ASTN2: variants seen among roughly 807,000 people sequenced by gnomAD.
ASTN2 encodes the protein astrotactin-2.
Under a neutral mutation model 139.8 loss-of-function variants are expected in ASTN2, and 54 were observed. The ratio of observed to expected loss-of-function variants is 0.39; its 90% confidence interval spans 0.31 to 0.48. The LOEUF (loss-of-function observed/expected upper bound fraction) is 0.48. Ranked by LOEUF, ASTN2 falls within the 20% of genes least tolerant of loss-of-function variation. The probability of loss-of-function intolerance (pLI) is 0.95; values close to 1 mark genes in which losing one functional copy is unlikely to be tolerated. For synonymous variants in ASTN2, 756 were observed against 719.5 expected (o/e 1.05, Z -0.81); for missense variants, 1,565 against 1,725.1 (o/e 0.91, Z 1.64).
At chr9:116,896,344 A>G (rs1833878796) in intron 10 of ASTN2, among the ~76,000 whole-genome samples, 1 of 152,028 alleles carries the variant, frequency 6.6e-6, no homozygotes. Flanking sequence ...TTTTATTTTG[A>G]TTTTTTTATG....
intron 11 of ASTN2, among the ~76,000 whole-genome samples, chr9:116,830,337 T>C (rs1270124734): frequency 6.6e-6 from 1 of 152,088 alleles, no homozygotes; most frequent in Admixed American, 6.6e-5. Context: ...AAACAACAGA[T>C]GCTGGTGAGG....
At chr9:117,013,832 G>T (rs1171449524) in intron 6 of ASTN2, among the ~76,000 whole-genome samples, 1 of 152,078 alleles carries the variant, frequency 6.6e-6, no homozygotes, top group Non-Finnish European at 1.5e-5. Context: ...ATTGCCTGGA[G>T]AGCCAGACAG....
chr9:117,065,032 G>C (rs989253769), intron 5 of ASTN2, among the ~76,000 whole-genome samples: 1 of 152,096 alleles, frequency 6.6e-6, no homozygotes, highest in Non-Finnish European at 1.5e-5. Context: ...GTTTAGGATA[G>C]GCCCTAAAGC....
intron 11 of ASTN2, among the ~76,000 whole-genome samples, chr9:116,845,309 C>T (rs1427275255): frequency 1.1e-4 from 16 of 152,076 alleles, no homozygotes; most frequent in Admixed American, 9.2e-4. Flanking sequence ...TTAGTAGAGA[C>T]GGGGTTTCAC....
intron 5 of ASTN2, among the ~76,000 whole-genome samples, chr9:117,092,397 G>A (rs924050994): frequency 6.6e-6 from 1 of 152,134 alleles, no homozygotes; most frequent in Non-Finnish European, 1.5e-5. Context: ...GAGACTCAGA[G>A]ACCAGCAGGG....
At chr9:117,351,643 C>G (rs1829391979) in intron 1 of ASTN2, among the ~76,000 whole-genome samples, 1 of 152,158 alleles carries the variant, frequency 6.6e-6, no homozygotes, top group African/African-American at 2.4e-5. Context: ...ATATAGGTGG[C>G]CAATCATAAC....
rs190739284 is a variant in ASTN2 at position 117,384,469 on chromosome 9, G to A, written c.442+30028C>T. 9.7e-4 allele frequency among the ~76,000 whole-genome samples: 147 copies of A among 152,262 alleles called. 1 individual carries two copies. Among genetic ancestry groups the A allele is most frequent in the Non-Finnish European group, 1.6e-3 (106 of 67,998 alleles). On this transcript the variant is annotated intron_variant, in intron 1 of 22. Coordinates refer to ENST00000313400, the MANE Select transcript of ASTN2 (RefSeq NM_001365068.1). ...AGATAAATGACTAGAGATGTGATAC[G>A]AGTCCCTTCCCACCTCTGCACTTTG...
intron 16 of ASTN2, chr9:116,697,662 C>T (rs955906762): frequency 1.1e-5 from 17 of 1,560,326 alleles, no homozygotes; most frequent in Non-Finnish European, 1.4e-5. Context: ...TTCTCTTTAG[C>T]AGGAATTTGA....
chr9:116,465,232 C>T (rs1018200219), intron 20 of ASTN2, among the ~76,000 whole-genome samples: 4 of 152,196 alleles, frequency 2.6e-5, no homozygotes, highest in African/African-American at 9.6e-5. Flanking sequence ...ACTCAGGCGA[C>T]CCTGTGCAGC....
chr9:116,534,788 G>A (rs999816505), intron 19 of ASTN2, among the ~76,000 whole-genome samples: 10 of 152,138 alleles, frequency 6.6e-5, no homozygotes, highest in African/African-American at 1.9e-4. Context: ...CAACTATGTG[G>A]TCAATTTTGG....
At chr9:116,485,615 T>C (rs763813965) in intron 20 of ASTN2, among the ~76,000 whole-genome samples, 3 of 152,200 alleles carry the variant, frequency 2.0e-5, no homozygotes, top group Non-Finnish European at 4.4e-5. Flanking sequence ...ATGAGGATGG[T>C]GGTCATTCTT....
rs1346138271 is a variant in ASTN2, at chr9:117,149,169, A to G, written c.1016-7691T>C. Among the ~76,000 whole-genome samples the G allele has an allele frequency of 3.3e-5, 5 of 152,000 alleles. No individual in the cohort carries two copies. The South Asian group carries it at 1.0e-3, about 32-fold the overall frequency. The stretch of plus-strand genomic sequence containing the variant: ...CGAGTAGCTGGGATTATAGGCATGT[A>G]CCACCATGTCCGGCTAATTTTTGTA... On this transcript the variant is annotated intron_variant, in intron 3 of 22. Coordinates refer to ENST00000313400, the MANE Select transcript of ASTN2 (RefSeq NM_001365068.1).
chr9:116,777,840 T>TTTTTGTTTTTTGTTTTG (rs1263791236), intron 13 of ASTN2, among the ~76,000 whole-genome samples: 17 of 133,322 alleles, frequency 1.3e-4, no homozygotes, highest in African/African-American at 4.6e-4. Flanking sequence ...CTTTCTCTTT[T>TTTTTGTTTTTTGTTTTG]TTTTGTTTTT....
At chr9:117,037,266 A>T (rs1454110783) in intron 6 of ASTN2, among the ~76,000 whole-genome samples, 4 of 151,986 alleles carry the variant, frequency 2.6e-5, no homozygotes, top group Admixed American at 1.3e-4. Context: ...GCACCTTTTA[A>T]TTCACCACAT....
intron 3 of ASTN2, among the ~76,000 whole-genome samples, chr9:117,153,564 AG>A (rs1830370455): frequency 6.6e-6 from 1 of 152,136 alleles, no homozygotes; most frequent in Non-Finnish European, 1.5e-5. Context: ...TAATTTTTCA[AG>A]GGTCATACAC....
intron 1 of ASTN2, among the ~76,000 whole-genome samples, chr9:117,413,821 G>C (rs1217448079): frequency 5.9e-5 from 9 of 152,164 alleles, no homozygotes; most frequent in African/African-American, 1.4e-4. Context: ...GGCGGTAACG[G>C]GGGTAGAGGG....
At chr9:117,146,180 G>A (rs1359228728) in intron 3 of ASTN2, among the ~76,000 whole-genome samples, 1 of 152,016 alleles carries the variant, frequency 6.6e-6, no homozygotes, top group Non-Finnish European at 1.5e-5. Context: ...AGTATATCAA[G>A]TTGTCCAAAC....
At chr9:117,071,424 CAG>C (rs1422656706) in intron 5 of ASTN2, among the ~76,000 whole-genome samples, 2 of 151,552 alleles carry the variant, frequency 1.3e-5, no homozygotes, top group African/African-American at 4.9e-5. Context: ...AGCTGTCAGA[CAG>C]GGACATTTAA....
At chr9:117,261,940 A>G (rs1833831504) in intron 2 of ASTN2, among the ~76,000 whole-genome samples, 1 of 152,234 alleles carries the variant, frequency 6.6e-6, no homozygotes, top group Non-Finnish European at 1.5e-5. Flanking sequence ...GAATCTATTA[A>G]GAAGCATCTT....
Sources: allele counts gnomAD v4.1 joint callset (sites outside exome capture counted in the v4.1 genomes callset), GRCh38; gene constraint gnomAD v4.1.1; transcripts MANE v1.5; gene names NCBI Gene and HGNC (gene_info 2026-07-23, HGNC 2026-07-21).